The following NRXN1 variants were observed in gnomAD, a reference collection of about 807,000 sequenced individuals.
The protein encoded by NRXN1 is neurexin 1.
In NRXN1, 39 loss-of-function variants were observed where a neutral mutation model predicts 150.9. That is an observed-to-expected ratio of 0.26 (90% CI 0.20 to 0.34). NRXN1 has a LOEUF of 0.34. Ranked by LOEUF, NRXN1 falls within the 10% of genes least tolerant of loss-of-function variation. The pLI is 1.00. For synonymous variants in NRXN1, 924 were observed against 757.0 expected (o/e 1.22, Z -3.62); for missense variants, 1,815 against 1,949.9 (o/e 0.93, Z 1.30).
At chr2:50,556,095 C>G (rs78244342) in intron 8 of NRXN1, among the ~76,000 whole-genome samples, 12 of 152,076 alleles carry the variant, frequency 7.9e-5, no homozygotes, top group East Asian at 3.9e-4. Context: ...AAAGGCTACT[C>G]CAGAAAACAG....
intron 5 of NRXN1, among the ~76,000 whole-genome samples, chr2:50,819,224 T>C (rs1482804518): frequency 6.6e-6 from 1 of 152,192 alleles, no homozygotes; most frequent in Non-Finnish European, 1.5e-5. Flanking sequence ...AAGAGGCATC[T>C]GCACTTCTGT....
At chr2:50,597,017 A>G (rs72884085) in intron 8 of NRXN1, among the ~76,000 whole-genome samples, 4,823 of 151,784 alleles carry the variant, frequency 0.032, 253 homozygotes, top group African/African-American at 0.11. Flanking sequence ...CATCCAGTTA[A>G]TATTTTTGTA....
At chr2:50,983,308 T>C (rs1697139430) in intron 2 of NRXN1, among the ~76,000 whole-genome samples, 1 of 152,132 alleles carries the variant, frequency 6.6e-6, no homozygotes, top group Non-Finnish European at 1.5e-5. Flanking sequence ...TTCTCCTCGA[T>C]AGAAAAATCA....
In NRXN1 at chr2:50,159,887, GA is replaced by G. The variant is rs781702744; in HGVS notation, c.3547-68394del. The stretch of plus-strand genomic sequence containing the variant: ...TGAATCACATAATTATGCTGTGGAA[GA>G]AAAAAAAATTATTCAACGTCCAAGA... On this transcript the variant is annotated intron_variant, in intron 18 of 22. Coordinates refer to ENST00000401669, the MANE Select transcript of NRXN1 (RefSeq NM_001330078.2). 9.3e-5 allele frequency among the ~76,000 whole-genome samples: 14 copies of G among 151,346 alleles called. 1 individual carries two copies. In the East Asian group the frequency reaches 1.2e-3, roughly 13 times the overall value.
At chr2:50,111,568 G>A (rs1397303031) in intron 18 of NRXN1, among the ~76,000 whole-genome samples, 1 of 151,958 alleles carries the variant, frequency 6.6e-6, no homozygotes, top group Non-Finnish European at 1.5e-5. Context: ...TAGCCTGTGA[G>A]GCAGAGGTTG....
At chr2:50,727,903 TC>T (rs1165637157) in intron 5 of NRXN1, among the ~76,000 whole-genome samples, 1 of 152,100 alleles carries the variant, frequency 6.6e-6, no homozygotes, top group Non-Finnish European at 1.5e-5. Flanking sequence ...TGAATTACTG[TC>T]AGCGTTATTG....
intron 17 of NRXN1, among the ~76,000 whole-genome samples, chr2:50,351,165 T>A (rs1263306381): frequency 4.6e-5 from 7 of 152,206 alleles, no homozygotes; most frequent in Non-Finnish European, 8.8e-5. Context: ...TGAGGCAGAA[T>A]CTCACAAATT....
intron 2 of NRXN1, among the ~76,000 whole-genome samples, chr2:51,020,931 GC>G (rs1669507118): frequency 6.6e-6 from 1 of 151,850 alleles, no homozygotes; most frequent in Admixed American, 6.6e-5. Flanking sequence ...AAAAAGCCTT[GC>G]AATTTTCTGA....
At chr2:50,594,329 G>T (rs956021459) in intron 8 of NRXN1, among the ~76,000 whole-genome samples, 3 of 152,118 alleles carry the variant, frequency 2.0e-5, no homozygotes, top group Admixed American at 6.5e-5. Context: ...AGGTATATCA[G>T]TCATATGGTC....
chr2:50,305,483 C>A (rs1260480739), intron 17 of NRXN1, among the ~76,000 whole-genome samples: 3 of 151,960 alleles, frequency 2.0e-5, no homozygotes, highest in Non-Finnish European at 2.9e-5. Flanking sequence ...AAACACATAC[C>A]AGAAACAAGA....
chr2:50,941,681 T>G (rs1689470854), intron 2 of NRXN1, among the ~76,000 whole-genome samples: 1 of 152,206 alleles, frequency 6.6e-6, no homozygotes, highest in Non-Finnish European at 1.5e-5. Context: ...ATTCAATATG[T>G]GACCTGGCTT....
intron 5 of NRXN1, among the ~76,000 whole-genome samples, chr2:50,734,151 A>G (rs1227720413): frequency 1.3e-5 from 2 of 152,138 alleles, no homozygotes; most frequent in African/African-American, 4.8e-5. Context: ...ACCATCCTAT[A>G]AGACAAAGGA....
chr2:49,987,759 G>GTT (rs143744994), intron 21 of NRXN1, among the ~76,000 whole-genome samples: 5 of 145,510 alleles, frequency 3.4e-5, no homozygotes, highest in South Asian at 4.3e-4. Flanking sequence ...ATGAAACAAC[G>GTT]TTTTTTTTTT....
chr2:50,903,455 T>C (rs1683225727), intron 5 of NRXN1, among the ~76,000 whole-genome samples: 1 of 152,210 alleles, frequency 6.6e-6, no homozygotes. Context: ...TGTTAATTCA[T>C]CTTTAACTGA....
intron 18 of NRXN1, among the ~76,000 whole-genome samples, chr2:50,230,201 T>C (rs1424887250): frequency 6.6e-6 from 1 of 152,016 alleles, no homozygotes; most frequent in Non-Finnish European, 1.5e-5. Context: ...GAAAAAACTG[T>C]TCAATGACTG....
chr2:50,944,129 A>G (rs1558465629), intron 2 of NRXN1, among the ~76,000 whole-genome samples: 1 of 152,232 alleles, frequency 6.6e-6, no homozygotes, highest in South Asian at 2.1e-4. Flanking sequence ...TGGCTAAAAC[A>G]GTAAGCAGTA....
At chr2:50,800,970 T>C (rs1707508266) in intron 5 of NRXN1, among the ~76,000 whole-genome samples, 1 of 152,230 alleles carries the variant, frequency 6.6e-6, no homozygotes, top group African/African-American at 2.4e-5. Flanking sequence ...CGTCACTTTC[T>C]AATGTACGCA....
At position 50,782,885 on chromosome 2, in the gene NRXN1, T is replaced by C. The variant is rs138158350; in HGVS notation, c.832+138984A>G. Among the ~76,000 whole-genome samples the C allele has an allele frequency of 5.0e-4, 76 of 152,274 alleles. 3 individuals carry two copies. The East Asian group carries it at 0.014, about 28-fold the overall frequency. ...GAAAGACTAATAAATGGTGGCTCTA[T>C]TGCAAAGGCAAAGCTGTTGAACAAA... On this transcript the variant is annotated intron_variant, in intron 5 of 22. Transcript: ENST00000401669.
At chr2:50,781,315 A>G (rs1574455183) in intron 5 of NRXN1, among the ~76,000 whole-genome samples, 1 of 152,188 alleles carries the variant, frequency 6.6e-6, no homozygotes, top group Middle Eastern at 3.4e-3. Context: ...GGGAAACCCT[A>G]TATCTGTGTT....
Sources: allele counts gnomAD v4.1 joint callset (sites outside exome capture counted in the v4.1 genomes callset), GRCh38; gene constraint gnomAD v4.1.1; transcripts MANE v1.5; gene names NCBI Gene and HGNC (gene_info 2026-07-23, HGNC 2026-07-21).